The following CTTN variants were observed in gnomAD, a reference collection of about 807,000 sequenced individuals.
CTTN encodes the protein cortactin, also known as src substrate cortactin.
Under a neutral mutation model 84.0 loss-of-function variants are expected in CTTN, and 28 were observed. The ratio of observed to expected loss-of-function variants is 0.33; its 90% CI spans 0.25 to 0.46. The LOEUF (loss-of-function observed/expected upper bound fraction) is 0.46. CTTN is among the 20% of genes least tolerant of loss of function. The pLI is 1.00. For missense variants in CTTN, 641 were observed against 723.8 expected (o/e 0.89, Z 1.31); for synonymous variants, 301 against 288.8 (o/e 1.04, Z -0.43).
At chr11:70,423,143 C>CG in intron 12 of CTTN, 148 bp downstream of exon 12, 1 of 997,642 alleles carries the variant, frequency 1.0e-6, no homozygotes, top group Admixed American at 2.2e-5. Context: ...ATGACTGACT[C>CG]GGACAGTCTT....
chr11:70,422,439 T>C, intron 11 of CTTN: 1 of 1,139,368 alleles, frequency 8.8e-7, no homozygotes, highest in Admixed American at 2.3e-5. Flanking sequence ...TTCATGTGGA[T>C]CTGTGTTGCT....
At chr11:70,409,585 T>C (rs2058077583) in intron 4 of CTTN, among the ~76,000 whole-genome samples, 1 of 152,218 alleles carries the variant, frequency 6.6e-6, no homozygotes, top group South Asian at 2.1e-4. Flanking sequence ...GATCCCAGTG[T>C]CTGCCTTCAG....
intron 13 of CTTN, among the ~76,000 whole-genome samples, chr11:70,427,650 T>C (rs2058314293): frequency 6.6e-6 from 1 of 152,378 alleles, no homozygotes; most frequent in Admixed American, 6.5e-5. Flanking sequence ...CCGGCTCCTC[T>C]GGCCCTGTGA....
At chr11:70,405,034 A>G (rs898212970) in intron 1 of CTTN, among the ~76,000 whole-genome samples, 6 of 152,032 alleles carry the variant, frequency 3.9e-5, no homozygotes, top group African/African-American at 1.4e-4. Context: ...ACAAAAAGTC[A>G]TCATGTAGTT....
chr11:70,407,114 G>T (rs2058048095), intron 2 of CTTN, among the ~76,000 whole-genome samples, 184 bp from the exon 3 acceptor site: 1 of 152,160 alleles, frequency 6.6e-6, no homozygotes, highest in Admixed American at 6.5e-5. Context: ...GAACCCCGAG[G>T]TGAAATTTCT....
chr11:70,409,735 C>T, intron 4 of CTTN, 96 bp from the exon 5 acceptor site: 1 of 1,351,712 alleles, frequency 7.4e-7, no homozygotes, highest in Non-Finnish European at 1.0e-6. Context: ...TACAAATTTA[C>T]AAAGATAATG....
intron 13 of CTTN, among the ~76,000 whole-genome samples, chr11:70,428,208 G>A (rs1026285350): frequency 2.3e-5 from 3 of 130,528 alleles, no homozygotes; most frequent in Non-Finnish European, 3.1e-5. Flanking sequence ...GCTCTGTCGC[G>A]AGACTGGAGT....
intron 8 of CTTN, among the ~76,000 whole-genome samples, chr11:70,418,833 G>A (rs2058194899): frequency 6.7e-6 from 1 of 149,490 alleles, no homozygotes; most frequent in Non-Finnish European, 1.5e-5. Context: ...CTGGAGTGCA[G>A]TGGTGCGATC....
intron 11 of CTTN, 83 bp from the exon 12 acceptor site, chr11:70,422,857 T>C (rs1224290400): frequency 6.2e-7 from 1 of 1,603,448 alleles, no homozygotes; most frequent in Non-Finnish European, 8.5e-7. Context: ...TTGGGCTGTT[T>C]CTGGATCTGT....
chr11:70,410,380 G>A (rs1045426244), intron 5 of CTTN: 5 of 179,340 alleles, frequency 2.8e-5, no homozygotes, highest in African/African-American at 9.3e-5. Flanking sequence ...ACGGAATCCA[G>A]CCAAAGGCCT....
chr11:70,436,562 C>A lies in CTTN; in HGVS notation c.*1400C>A. On this transcript the variant is annotated 3_prime_UTR_variant, in exon 18 of 18. Transcript: ENST00000301843. The stretch of plus-strand genomic sequence containing the variant: ...TTTAAATTAAAGAATTCAGAATAAA[C>A]ATTTTTTGATCCACTTGCGTGATTT... 1 of 709,196 alleles carries A rather than the reference C, an allele frequency of 1.4e-6. No individual in the cohort carries two copies. The allele number at this position is 709,196 out of a possible 1,614,324, so 43.9% of individuals were successfully genotyped here.
At chr11:70,427,503 T>TA (rs1429690822) in intron 13 of CTTN, among the ~76,000 whole-genome samples, 6 of 152,284 alleles carry the variant, frequency 3.9e-5, no homozygotes, top group Admixed American at 2.0e-4. Flanking sequence ...CTATCGATGT[T>TA]ACGTTGTTTA....
At chr11:70,421,417 A>G in intron 10 of CTTN, 53 bp from the exon 11 acceptor site, 1 of 1,304,746 alleles carries the variant, frequency 7.7e-7, no homozygotes, top group Non-Finnish European at 1.1e-6. Context: ...ATTCTAACCC[A>G]ACTGTGTTTC....
At chr11:70,402,101 C>T (rs878942900) in intron 1 of CTTN, among the ~76,000 whole-genome samples, 4 of 152,006 alleles carry the variant, frequency 2.6e-5, no homozygotes, top group South Asian at 2.1e-4. Context: ...TGCAGTGAGC[C>T]GAGATCGCGC....
intron 5 of CTTN, among the ~76,000 whole-genome samples, chr11:70,411,016 T>G (rs2058091024): frequency 6.6e-6 from 1 of 152,170 alleles, no homozygotes; most frequent in East Asian, 1.9e-4. Context: ...AGGGACCTTC[T>G]GCAGGAAAGA....
chr11:70,422,080 G>T, intron 11 of CTTN: 1 of 217,080 alleles, frequency 4.6e-6, no homozygotes, highest in Non-Finnish European at 9.4e-6. Context: ...GGTGTTTTTG[G>T]CCGGGGTTGG....
At chr11:70,429,532 G>A (rs115254155) in intron 14 of CTTN, among the ~76,000 whole-genome samples, 5,529 of 152,196 alleles carry the variant, frequency 0.036, 356 homozygotes, top group African/African-American at 0.13. Flanking sequence ...CTGTCCAAAT[G>A]TCAGCCTGAG....
At chr11:70,413,790 TTATAGTC>T (rs2058123291) in intron 5 of CTTN, among the ~76,000 whole-genome samples, 1 of 152,186 alleles carries the variant, frequency 6.6e-6, no homozygotes, top group African/African-American at 2.4e-5. Context: ...CTATTTTTGT[TTATAGTC>T]TATTAGAACA....
At chr11:70,404,141 G>A (rs993560325) in intron 1 of CTTN, among the ~76,000 whole-genome samples, 7 of 152,220 alleles carry the variant, frequency 4.6e-5, no homozygotes, top group African/African-American at 1.4e-4. Context: ...TAGGATTGCC[G>A]AAGGGAACTG....
Sources: gnomAD v4.1 joint callset for allele counts (sites outside exome capture counted in the v4.1 genomes callset) on GRCh38, gnomAD v4.1.1 for gene constraint, MANE v1.5 for transcripts, NCBI Gene and HGNC (gene_info 2026-07-23, HGNC 2026-07-21) for gene names.